DMAP1: variants seen among roughly 807,000 people sequenced by gnomAD.
DMAP1 encodes the protein DNA methyltransferase 1-associated protein 1.
Under a neutral mutation model 52.7 loss-of-function variants are expected in DMAP1, and 26 were observed. That is an observed-to-expected ratio of 0.49 (90% confidence interval 0.36 to 0.68). DMAP1 has a LOEUF of 0.68. Among genes scored for constraint, DMAP1 ranks in the 30% least tolerant of loss-of-function variants. The pLI, the probability that DMAP1 is intolerant of heterozygous loss-of-function variation, is 0.00. For synonymous variants in DMAP1, 231 were observed against 246.0 expected, an observed-to-expected ratio of 0.94 and a Z score of 0.57; for missense variants, 439 against 625.2, an observed-to-expected ratio of 0.70 and a Z score of 3.18.
intron 6 of DMAP1, 26 bp from the exon 7 acceptor site, chr1:44,219,380 G>A (rs773836412): frequency 1.3e-6 from 2 of 1,556,408 alleles, no homozygotes; most frequent in East Asian, 4.5e-5. Flanking sequence ...GTGACACCTT[G>A]GTCTCCATAA....
chr1:44,216,066 A>G (rs1311544116), intron 3 of DMAP1: 1 of 152,180 alleles, frequency 6.6e-6, no homozygotes. Flanking sequence ...CAGCTGCAGT[A>G]TGAGCTTTGA....
chr1:44,219,793 G>T lies in DMAP1; in HGVS notation c.979-13G>T, dbSNP rs1643871624. The T allele has an allele frequency of 1.2e-6, 2 of 1,613,840 alleles. No individual in the cohort carries two copies. Among genetic ancestry groups the T allele is most frequent in the Non-Finnish European group, 1.7e-6 (2 of 1,179,906 alleles). On this transcript the variant is annotated splice_polypyrimidine_tract_variant and intron_variant, in intron 7 of 9. Coordinates refer to ENST00000372289, the MANE Select transcript of DMAP1 (RefSeq NM_019100.5). ...TGGCTGGGACAGGCTTAGCTTGCCA[G>T]CTTTCATTGCAGATGAAGCTGCCAA...
rs1643729974 is a variant in DMAP1, at chr1:44,213,761, C to T, written c.8C>T (p.Thr3Met). The T allele has an allele frequency of 3.2e-6, 5 of 1,580,426 alleles. No individual in the cohort carries two copies. Among genetic ancestry groups the T allele is most frequent in the Non-Finnish European group, 2.6e-6 (3 of 1,163,710 alleles). MA[T>M]GADVRDILEL... ...CCCCATCTCTCAGGCGCGATGGCTA[C>T]GGGCGCGGATGTACGGGACATTCTA... The change falls in exon 1 of 10, where the codon ACG becomes ATG. Residue 3 changes from threonine to methionine, a missense_variant. Around this residue, in one of 3 missense-constraint regions of DMAP1, gnomAD observed 118 missense variants for 189.8 expected, o/e 0.62. Coordinates refer to ENST00000372289, the MANE Select transcript of DMAP1 (RefSeq NM_019100.5). This position sits in a 1 kb window ranked among gnomAD's most constrained non-coding sequence, Gnocchi z 4.5.
intron 9 of DMAP1, 41 bp downstream of exon 9, chr1:44,220,350 C>T (rs1255132731): frequency 3.3e-6 from 5 of 1,521,566 alleles, no homozygotes; most frequent in Admixed American, 4.2e-5. Flanking sequence ...CTGGGCCCTG[C>T]GAGTGAGCAC....
chr1:44,216,720 G>A (rs986431766), intron 3 of DMAP1: 1 of 152,270 alleles, frequency 6.6e-6, no homozygotes, highest in African/African-American at 2.4e-5. Context: ...CAGAGGTCAA[G>A]GGGGAAGTCT....
Position 44,213,616 on chromosome 1 carries a change from A to G in DMAP1, c.-138A>G. On this transcript the variant is annotated 5_prime_UTR_variant, in exon 1 of 10. Transcript: ENST00000372289. The surrounding 1 kb of genome is among the most constrained non-coding windows in gnomAD (Gnocchi z 4.5). ...CAGGCAGATCCCCGACCTGACCTGGACCACCCTTCTCCTCTTGGCCCGCCC... is the reference window on the plus strand; with the variant it reads ...CAGGCAGATCCCCGACCTGACCTGGGCCACCCTTCTCCTCTTGGCCCGCCC... The G allele has an allele frequency of 1.4e-6, 1 of 720,840 alleles. No homozygotes were observed. The highest frequency in any genetic ancestry group is 1.8e-5 in the South Asian group (1 of 55,162). 44.7% of individuals were successfully genotyped at this position (720,840 alleles called of 1,614,324 possible).
chr1:44,214,421 C>T lies in DMAP1; in HGVS notation c.177C>T (p.Ala59=), dbSNP rs1220729222. ...AGGGCATGCACCGGGAAGTCTATGC[C>T]TTGCTCTACTCTGACAAGAAGCAAG... ...RPEGMHREVY[A]LLYSDKKDAP... is the part of the protein sequence containing the mutation. The change falls in exon 2 of 10, where the codon GCC becomes GCT. Residue 59 remains alanine, a synonymous_variant. Transcript: ENST00000372289. 6.8e-6 allele frequency: 11 copies of T among 1,614,014 alleles called. No individual in the cohort carries two copies. In the African/African-American group the frequency reaches 1.3e-4, roughly 20 times the overall value.
chr1:44,215,420 A>G, intron 3 of DMAP1: 11 of 442,456 alleles, frequency 2.5e-5, no homozygotes, highest in South Asian at 1.4e-4. Flanking sequence ...TGCCCAAACC[A>G]GAAACTTGGG....
intron 2 of DMAP1, 26 bp from the exon 3 acceptor site, chr1:44,214,677 C>T (rs185840480): frequency 3.6e-5 from 58 of 1,611,824 alleles, no homozygotes; most frequent in African/African-American, 5.3e-5. Context: ...ATTCTAACCT[C>T]GCATCTCCCT....
rs112441807 is a variant in DMAP1, at chr1:44,214,498, C to T, written c.197+57C>T. 1,625 of 1,613,330 alleles carry T rather than the reference C, an allele frequency of 1.0e-3. 15 individuals are homozygous for T. In the African/African-American group the frequency reaches 0.019, roughly 19 times the overall value. On this transcript the variant is annotated intron_variant, in intron 2 of 9. Coordinates refer to ENST00000372289, the MANE Select transcript of DMAP1 (RefSeq NM_019100.5). ...TTGGCCCCTGATTCACCTGCCATGC[C>T]CCTAACTCCTAGTTTTCTCTAACAA... is the stretch of plus-strand genomic sequence containing the variant.
intron 7 of DMAP1, 109 bp from the exon 8 acceptor site, chr1:44,219,697 C>T (rs1260332111): frequency 7.3e-7 from 1 of 1,378,080 alleles, no homozygotes; most frequent in South Asian, 1.3e-5. Flanking sequence ...CATAGTTAAC[C>T]TCCATGTGTT....
In DMAP1 at chr1:44,219,838, G is replaced by C. The variant is rs771433988; in HGVS notation, c.1011G>C (p.Lys337Asn). 1 of 1,614,212 alleles carries C rather than the reference G, an allele frequency of 6.2e-7. No individual in the cohort carries two copies. ...MKLPSSVGQKKIKALEQMLLE... is the reference protein window; with the variant it reads ...MKLPSSVGQKNIKALEQMLLE... ...TGCCAAGCTCTGTGGGACAGAAGAA[G>C]ATCAAGGCCCTGGAACAGATGCTGC... The change falls in exon 8 of 10, where the codon AAG becomes AAC. Residue 337 changes from lysine to asparagine, a missense_variant. By Grantham distance (94) the Lys-to-Asn change is moderately conservative (BLOSUM62 0). Around this residue, in one of 3 missense-constraint regions of DMAP1, gnomAD observed 179 missense variants for 285.9 expected, o/e 0.63. Coordinates refer to ENST00000372289, the MANE Select transcript of DMAP1 (RefSeq NM_019100.5).
chr1:44,218,928 C>A lies in DMAP1; in HGVS notation c.721-128C>A. On this transcript the variant is annotated intron_variant, in intron 5 of 9. Coordinates refer to ENST00000372289, the MANE Select transcript of DMAP1 (RefSeq NM_019100.5). The surrounding 1 kb of genome is among the most constrained non-coding windows in gnomAD (Gnocchi z 5.6). The stretch of plus-strand genomic sequence containing the variant: ...GGGCCATCCCCCCTGCTTTTCATAG[C>A]CCTTCACCTCCCTCATGATCCATTA... The A allele has an allele frequency of 7.1e-7, 1 of 1,409,338 alleles. No individual in the cohort carries two copies. The highest frequency in any genetic ancestry group is 9.7e-7 in the Non-Finnish European group (1 of 1,030,486). 87.3% of individuals were successfully genotyped at this position (1,409,338 alleles called of 1,614,324 possible).
rs1434502993 is a variant in DMAP1 at position 44,214,334 on chromosome 1, T to C, written c.106-16T>C. The C allele has an allele frequency of 1.9e-6, 3 of 1,611,396 alleles. No homozygotes were observed. Among genetic ancestry groups the C allele is most frequent in the South Asian group, 2.2e-5 (2 of 90,994 alleles). ...GGGTCTAGGTTGTGGTTCCTTTCTG[T>C]GGTTTCCTTCCTCAGAAAAAATCCA... is the stretch of plus-strand genomic sequence containing the variant. On this transcript the variant is annotated splice_polypyrimidine_tract_variant and intron_variant, in intron 1 of 9. Transcript: ENST00000372289.
chr1:44,217,988 A>G (rs1424974694), intron 3 of DMAP1: 3 of 443,462 alleles, frequency 6.8e-6, no homozygotes, highest in East Asian at 4.7e-5. Context: ...GTCCTACTCC[A>G]GAGTTGACCT....
At position 44,219,878 on chromosome 1, in the gene DMAP1, G is replaced by A; in HGVS notation, c.1051G>A (p.Glu351Lys). The A allele has an allele frequency of 6.2e-7, 1 of 1,614,156 alleles. No homozygotes were observed. The highest frequency in any genetic ancestry group is 8.5e-7 in the Non-Finnish European group (1 of 1,180,030). ...LEQMLLELGV[E>K]LSPTPTEELV... ...ACAGATGCTGCTGGAGCTTGGTGTG[G>A]GTGAGTGTGGGGACTGGGCCCCATA... Residue 351 changes from glutamate (E) to lysine (K), a missense_variant and splice_region_variant, in exon 8 of 10, where the codon GAG (glutamate) becomes AAG (lysine). Around this residue, in one of 3 missense-constraint regions of DMAP1, gnomAD observed 179 missense variants for 285.9 expected, o/e 0.63. Coordinates refer to ENST00000372289, the MANE Select transcript of DMAP1 (RefSeq NM_019100.5).
chr1:44,217,794 G>A (rs1572029755), intron 3 of DMAP1: 2 of 215,762 alleles, frequency 9.3e-6, no homozygotes, highest in East Asian at 2.0e-4. Flanking sequence ...AAGGGAGGAA[G>A]GGGCATTGGC....
In DMAP1 at chr1:44,213,678, GC is replaced by G; in HGVS notation, c.-71del. On this transcript the variant is annotated 5_prime_UTR_variant, in exon 1 of 10. Coordinates refer to ENST00000372289, the MANE Select transcript of DMAP1 (RefSeq NM_019100.5). The surrounding 1 kb of genome is among the most constrained non-coding windows in gnomAD (Gnocchi z 4.5). ...CTCCGCTTAGGTCTGGATTGGCCCC[GC>G]CCCCTGACCTGAGCCTGGTCCTTCT... 2.1e-6 allele frequency: 3 copies of G among 1,397,000 alleles called. No homozygotes were observed. Among genetic ancestry groups the G allele is most frequent in the Non-Finnish European group, 2.0e-6 (2 of 1,012,124 alleles). 86.5% of individuals were successfully genotyped at this position (1,397,000 alleles called of 1,614,324 possible).
Position 44,219,411 on chromosome 1 carries a change from TC to T in DMAP1, c.914del (p.Pro305LeufsTer23). 2 of 1,588,634 alleles carry T rather than the reference TC, an allele frequency of 1.3e-6. No individual in the cohort carries two copies. Among genetic ancestry groups the T allele is most frequent in the South Asian group, 2.3e-5 (2 of 86,216 alleles). On this transcript the variant is annotated frameshift_variant, in exon 7 of 10. Transcript: ENST00000372289. LOFTEE classifies it high-confidence loss of function. The part of the protein sequence containing the change: ...QKKEAEKPAV[P>X]ETAGIKFPDF... ...CATAATGCCTTCTCCCCCAGGCTGTTCCTGAGACTGCAGGCATCAAGTTTCC... is the reference window on the plus strand; with the variant it reads ...CATAATGCCTTCTCCCCCAGGCTGTTCTGAGACTGCAGGCATCAAGTTTCC...
Sources: allele counts gnomAD v4.1 joint callset, GRCh38; gene constraint gnomAD v4.1.1; regional missense constraint gnomAD v4.1.1; non-coding constraint Gnocchi (gnomAD v3.1); transcripts MANE v1.5; gene names NCBI Gene and HGNC (gene_info 2026-07-23, HGNC 2026-07-21).